ALPK2: variants seen among roughly 807,000 people sequenced by gnomAD.
The protein encoded by ALPK2 is alpha-protein kinase 2.
A neutral mutation model predicts 163.1 loss-of-function variants in ALPK2; 127 were observed. That is an observed-to-expected ratio of 0.78 (90% CI 0.67 to 0.90). The LOEUF (loss-of-function observed/expected upper bound fraction) is 0.90. ALPK2 is among the 40% of genes least tolerant of loss of function. The probability of loss-of-function intolerance (pLI) is 0.00; values close to 1 mark genes in which losing one functional copy is unlikely to be tolerated. For synonymous variants in ALPK2, 953 were observed against 959.1 expected, an observed-to-expected ratio of 0.99 and a Z score of 0.12; for missense variants, 2,360 against 2,589.6, an observed-to-expected ratio of 0.91 and a Z score of 1.92.
rs143309589 is a variant in ALPK2 at position 58,545,994 on chromosome 18, T to G, written c.1963-7770A>C. 2.6e-5 allele frequency among the ~76,000 whole-genome samples: 4 copies of G among 152,104 alleles called. 1 individual carries two copies. In the South Asian group the frequency reaches 8.3e-4, roughly 32 times the overall value. ...CCACCTGGGGCTGCAAAACTGAAAA[T>G]AGATAGCCCGGTCCCCAGCCAAAGA... On this transcript the variant is annotated intron_variant, in intron 4 of 12. Coordinates refer to ENST00000361673, the MANE Select transcript of ALPK2 (RefSeq NM_052947.4).
chr18:58,512,051 C>A (rs1397529723), intron 10 of ALPK2: 2 of 152,254 alleles, frequency 1.3e-5, no homozygotes, highest in African/African-American at 4.8e-5. Flanking sequence ...GGACAGTGGA[C>A]CTTTCCCGCA....
chr18:58,616,752 A>C (rs1236231143), intron 1 of ALPK2, among the ~76,000 whole-genome samples: 1 of 152,226 alleles, frequency 6.6e-6, no homozygotes, highest in East Asian at 1.9e-4. Flanking sequence ...GTATCCTTAA[A>C]ATAACCTTTG....
At chr18:58,604,077 A>G (rs2052085838) in intron 3 of ALPK2, among the ~76,000 whole-genome samples, 1 of 152,230 alleles carries the variant, frequency 6.6e-6, no homozygotes, top group Non-Finnish European at 1.5e-5. Context: ...GAAAATCAAA[A>G]GATTCATAAA....
At chr18:58,567,855 C>T (rs1309008804) in intron 4 of ALPK2, among the ~76,000 whole-genome samples, 2 of 152,206 alleles carry the variant, frequency 1.3e-5, no homozygotes, top group Non-Finnish European at 2.9e-5. Context: ...AAACTCCAAG[C>T]CCGTGTGTCT....
At chr18:58,592,590 GA>G (rs1350731223) in intron 3 of ALPK2, among the ~76,000 whole-genome samples, 1 of 152,200 alleles carries the variant, frequency 6.6e-6, no homozygotes, top group Non-Finnish European at 1.5e-5. Flanking sequence ...GGGCCCTGAA[GA>G]ACTGGGGCAG....
At chr18:58,586,994 T>G (rs1208267107) in intron 3 of ALPK2, among the ~76,000 whole-genome samples, 1 of 152,104 alleles carries the variant, frequency 6.6e-6, no homozygotes, top group Non-Finnish European at 1.5e-5. Context: ...ACGAAAGACC[T>G]GAGAAAATTC....
chr18:58,564,123 C>CTGTTTTTTTTTTTT (rs2051838553), intron 4 of ALPK2, among the ~76,000 whole-genome samples: 2 of 102,490 alleles, frequency 2.0e-5, no homozygotes, highest in African/African-American at 4.1e-5. Flanking sequence ...TGTCTTTGTT[C>CTGTTTTTTTTTTTT]TTTTTTTTTT....
chr18:58,539,975 A>G (rs1191550460), intron 4 of ALPK2, among the ~76,000 whole-genome samples: 2 of 152,234 alleles, frequency 1.3e-5, no homozygotes, highest in Non-Finnish European at 2.9e-5. Context: ...TAACTAAACA[A>G]GAAAGAAATT....
intron 10 of ALPK2, 66 bp from the exon 11 acceptor site, chr18:58,504,214 T>C: frequency 7.4e-7 from 1 of 1,355,694 alleles, no homozygotes; most frequent in Non-Finnish European, 1.0e-6. Context: ...CCTGCGGCAT[T>C]CTACTCTCTC....
At chr18:58,573,494 T>C (rs1451151675) in intron 4 of ALPK2, among the ~76,000 whole-genome samples, 1 of 149,558 alleles carries the variant, frequency 6.7e-6, no homozygotes, top group East Asian at 1.9e-4. Flanking sequence ...TCCAACGGCC[T>C]TGGATTCCCA....
At chr18:58,483,102 G>A (rs889083164) in intron 12 of ALPK2, among the ~76,000 whole-genome samples, 4 of 152,198 alleles carry the variant, frequency 2.6e-5, no homozygotes, top group African/African-American at 9.6e-5. Context: ...TCCCCAATAA[G>A]TGGCATCTCC....
intron 3 of ALPK2, among the ~76,000 whole-genome samples, chr18:58,601,026 T>C (rs7229899): frequency 0.39 from 59,529 of 152,080 alleles, 11,918 homozygotes; most frequent in East Asian, 0.51. Context: ...GAGGCCGAGG[T>C]GGGCAGATCA....
At chr18:58,617,289 C>A (rs568680577) in intron 1 of ALPK2, among the ~76,000 whole-genome samples, 7 of 152,236 alleles carry the variant, frequency 4.6e-5, no homozygotes, top group Admixed American at 3.9e-4. Context: ...CGGGTTCAAG[C>A]GATTCTCCTG....
chr18:58,558,479 G>A (rs1029039469), intron 4 of ALPK2, among the ~76,000 whole-genome samples: 1 of 152,208 alleles, frequency 6.6e-6, no homozygotes, highest in African/African-American at 2.4e-5. Context: ...TACACTGCTG[G>A]TAGGAATGTA....
At chr18:58,596,174 T>G (rs1017330920) in intron 3 of ALPK2, among the ~76,000 whole-genome samples, 1 of 152,138 alleles carries the variant, frequency 6.6e-6, no homozygotes, top group Non-Finnish European at 1.5e-5. Flanking sequence ...TCTGAGAATT[T>G]CTCTCCCAAA....
rs1345642671 is a variant in ALPK2, at chr18:58,494,428, CTATTT to C, written c.6296+3616_6296+3620del. ...AAAATGAGTAAGTCATGACAATTCT[CTATTT>C]TATTTTATGAGATTAGAGTAATTAC... On this transcript the variant is annotated intron_variant, in intron 12 of 12. Coordinates refer to ENST00000361673, the MANE Select transcript of ALPK2 (RefSeq NM_052947.4). 2.6e-5 allele frequency among the ~76,000 whole-genome samples: 4 copies of C among 152,060 alleles called. No individual in the cohort carries two copies. The East Asian group carries it at 5.8e-4, about 22-fold the overall frequency.
intron 8 of ALPK2, among the ~76,000 whole-genome samples, chr18:58,519,963 C>T (rs1252031802): frequency 6.6e-6 from 1 of 152,204 alleles, no homozygotes; most frequent in Non-Finnish European, 1.5e-5. Flanking sequence ...ATGAAGGTAA[C>T]AGGAGAACTG....
chr18:58,627,786 G>T (rs2052239712), intron 1 of ALPK2, among the ~76,000 whole-genome samples: 1 of 152,174 alleles, frequency 6.6e-6, no homozygotes, highest in South Asian at 2.1e-4. Flanking sequence ...TGTTGATTCG[G>T]AAGGTAACCC....
At chr18:58,521,326 GTGTC>G (rs1368496849) in intron 8 of ALPK2, among the ~76,000 whole-genome samples, 1 of 152,210 alleles carries the variant, frequency 6.6e-6, no homozygotes, top group Non-Finnish European at 1.5e-5. Context: ...AACCTAACAA[GTGTC>G]TGAGATGTGA....
Sources: gnomAD v4.1 joint callset for allele counts (sites outside exome capture counted in the v4.1 genomes callset) on GRCh38, gnomAD v4.1.1 for gene constraint, MANE v1.5 for transcripts, NCBI Gene and HGNC (gene_info 2026-07-23, HGNC 2026-07-21) for gene names.